Variants in ADAP1 observed in about 807,000 individuals in gnomAD.
ADAP1 encodes the protein ArfGAP with dual PH domains 1.
ADAP1 carries 31 observed loss-of-function variants against 54.9 expected under a neutral mutation model. That is an observed-to-expected ratio of 0.56 (90% confidence interval 0.42 to 0.76). ADAP1 has a LOEUF of 0.76. ADAP1 is among the 30% of genes least tolerant of loss of function. The pLI is 0.00. For missense variants in ADAP1, 535 were observed against 512.4 expected, an observed-to-expected ratio of 1.04 and a Z score of -0.42; for synonymous variants, 313 against 202.6, an observed-to-expected ratio of 1.55 and a Z score of -4.63.
rs1456311219 is a variant in ADAP1, at chr7:938,469, G to A, written c.83-2964C>T. ...AGTGTTGGGATTACAGATGTGTGACGCCGTGTCTGGCCTGCAAAGTATTTA... is the reference window on the plus strand; with the variant it reads ...AGTGTTGGGATTACAGATGTGTGACACCGTGTCTGGCCTGCAAAGTATTTA... On this transcript the variant is annotated intron_variant, in intron 1 of 10. Coordinates refer to ENST00000265846, the MANE Select transcript of ADAP1 (RefSeq NM_006869.4). The surrounding 1 kb of genome is among the most constrained non-coding windows in gnomAD (Gnocchi z 4.4). 1.3e-5 allele frequency among the ~76,000 whole-genome samples: 2 copies of A among 152,132 alleles called. No individual in the cohort carries two copies. Among genetic ancestry groups the A allele is most frequent in the South Asian group, 2.1e-4 (1 of 4,830 alleles).
chr7:905,213 G>A (rs746848742), intron 4 of ADAP1, 41 bp from the exon 5 acceptor site: 26 of 1,538,780 alleles, frequency 1.7e-5, no homozygotes, highest in Admixed American at 5.0e-5. Context: ...CAGTGGATGG[G>A]GGGGAGGAAA....
At chr7:927,892 T>A (rs1846440405) in intron 2 of ADAP1, among the ~76,000 whole-genome samples, 1 of 151,934 alleles carries the variant, frequency 6.6e-6, no homozygotes, top group Non-Finnish European at 1.5e-5. Flanking sequence ...TATATTTTTT[T>A]ACCTAGAAAT....
chr7:918,920 G>A (rs1846044642), intron 4 of ADAP1, among the ~76,000 whole-genome samples: 1 of 43,364 alleles, frequency 2.3e-5, no homozygotes, highest in Non-Finnish European at 4.0e-5. Flanking sequence ...CAGGAGTTGG[G>A]GACTGCTGGG....
intron 4 of ADAP1, among the ~76,000 whole-genome samples, chr7:906,686 ACGGGGGACATGGACATG>A (rs1845416640): frequency 3.0e-5 from 2 of 66,262 alleles, no homozygotes; most frequent in Admixed American, 1.6e-4. Flanking sequence ...GACAGGGGAC[ACGGGGGACATGGACATG>A]GGGGACGGGA....
At position 930,001 on chromosome 7, in the gene ADAP1, G is replaced by A. The variant is rs139441474; in HGVS notation, c.214-3357C>T. On this transcript the variant is annotated intron_variant, in intron 2 of 10. Coordinates refer to ENST00000265846, the MANE Select transcript of ADAP1 (RefSeq NM_006869.4). ...CGTCTGTAGTTCCATCTACTCAGGA[G>A]GCTGAGGTGAGAGGATCGTTTGAGC... 3.8e-3 allele frequency among the ~76,000 whole-genome samples: 577 copies of A among 151,310 alleles called. 3 individuals are homozygous for A. The highest frequency in any genetic ancestry group is 0.021 in the Middle Eastern group (6 of 290).
intron 2 of ADAP1, among the ~76,000 whole-genome samples, chr7:931,425 G>A (rs1318579511): frequency 6.6e-6 from 1 of 152,218 alleles, no homozygotes; most frequent in Non-Finnish European, 1.5e-5. Flanking sequence ...CACACAGGCT[G>A]CAGCGTGATG....
chr7:906,128 AGGAGAAAG>A (rs1845289434), intron 4 of ADAP1, among the ~76,000 whole-genome samples: 1 of 15,556 alleles, frequency 6.4e-5, no homozygotes, highest in Non-Finnish European at 1.1e-4. Context: ...AAAGGGAGAA[AGGAGAAAG>A]GGAGAAAGGA....
Position 945,601 on chromosome 7 carries a change from T to C in ADAP1, c.82+8795A>G, listed in dbSNP as rs1026627146. 2.0e-5 allele frequency among the ~76,000 whole-genome samples: 3 copies of C among 152,140 alleles called. No individual in the cohort carries two copies. The highest frequency in any genetic ancestry group is 1.3e-4 in the Admixed American group (2 of 15,282). ...GGCATGGCTGATGTGGTGGTGGAGA[T>C]GGAGGCCCTGAGTGCCAGGTAGGGA... is the stretch of plus-strand genomic sequence containing the variant. On this transcript the variant is annotated intron_variant, in intron 1 of 10. Transcript: ENST00000265846. This position sits in a 1 kb window ranked among gnomAD's most constrained non-coding sequence, Gnocchi z 4.2.
intron 4 of ADAP1, among the ~76,000 whole-genome samples, chr7:909,484 G>A (rs1394763485): frequency 1.3e-5 from 2 of 152,214 alleles, no homozygotes; most frequent in Non-Finnish European, 2.9e-5. Context: ...GACGACGCAG[G>A]AGTGTATTTC....
chr7:911,379 G>GCCAGGCTGC (rs1299075534), intron 4 of ADAP1, among the ~76,000 whole-genome samples: 3 of 152,206 alleles, frequency 2.0e-5, no homozygotes, highest in African/African-American at 7.2e-5. Flanking sequence ...CCCCATCCCC[G>GCCAGGCTGC]CCAGGCTGCC....
intron 1 of ADAP1, among the ~76,000 whole-genome samples, chr7:935,818 G>A (rs1377463305): frequency 2.6e-5 from 4 of 152,212 alleles, no homozygotes; most frequent in African/African-American, 7.2e-5. Flanking sequence ...CATGCCCCGG[G>A]CTGGAGGGCA....
At chr7:914,717 AC>A (rs1454948611) in intron 4 of ADAP1, among the ~76,000 whole-genome samples, 1 of 152,120 alleles carries the variant, frequency 6.6e-6, no homozygotes, top group African/African-American at 2.4e-5. Flanking sequence ...GAGCCCCTGA[AC>A]ACACAAGGAG....
rs971594412 is a variant in ADAP1, at chr7:904,217, G to A, written c.557C>T (p.Pro186Leu). ...KIEHLNATFQ[P>L]AKIGHPHGLQ... Reference sequence around the variant, plus strand: ...GCCGTGGGGGTGGCCGATCTTGGCCGGCTGGAAGGTGGCGTTCAGGTGCTC... The same window carrying A: ...GCCGTGGGGGTGGCCGATCTTGGCCAGCTGGAAGGTGGCGTTCAGGTGCTC... Residue 186 changes from proline (P) to leucine (L), a missense_variant, in exon 6 of 11, where the codon CCG (proline) becomes CTG (leucine). By Grantham distance (98) the Pro-to-Leu change is moderately conservative. Transcript: ENST00000265846. 8.7e-6 allele frequency: 14 copies of A among 1,610,614 alleles called. No homozygotes were observed. Among genetic ancestry groups the A allele is most frequent in the Non-Finnish European group, 1.2e-5 (14 of 1,178,948 alleles).
chr7:928,723 G>A (rs954259267), intron 2 of ADAP1, among the ~76,000 whole-genome samples: 1 of 152,362 alleles, frequency 6.6e-6, no homozygotes, highest in Admixed American at 6.5e-5. Flanking sequence ...TGGAGAGAAT[G>A]TGGAGTGATC....
At chr7:899,557 G>A (rs1844678490) in intron 8 of ADAP1, 67 bp from the exon 9 acceptor site, 1 of 1,542,572 alleles carries the variant, frequency 6.5e-7, no homozygotes, top group Non-Finnish European at 8.8e-7. Flanking sequence ...GCTGACCACA[G>A]CACACCCCGG....
At chr7:918,938 GTTGGGGACTGCTGGGGGGCA>G (rs1408660474) in intron 4 of ADAP1, among the ~76,000 whole-genome samples, 1 of 151,786 alleles carries the variant, frequency 6.6e-6, no homozygotes, top group African/African-American at 2.4e-5. Flanking sequence ...GGGGGGCAGA[GTTGGGGACTGCTGGGGGGCA>G]CAGCCAGAGG....
chr7:921,433 G>T (rs1562926778), intron 3 of ADAP1, among the ~76,000 whole-genome samples: 2 of 152,224 alleles, frequency 1.3e-5, no homozygotes, highest in Non-Finnish European at 2.9e-5. Context: ...GGATCCTCCT[G>T]CCTCGGCTTC....
chr7:932,719 G>A (rs183146847), intron 2 of ADAP1, among the ~76,000 whole-genome samples: 2 of 152,292 alleles, frequency 1.3e-5, no homozygotes, highest in East Asian at 1.9e-4. Context: ...GTCGAAGGGC[G>A]AAGGGACGGA....
In ADAP1 at chr7:898,849, GC is replaced by G. The variant is rs985261250; in HGVS notation, c.*71del. On this transcript the variant is annotated 3_prime_UTR_variant, in exon 11 of 11. Transcript: ENST00000265846. ...GGCCAGGTGGCCTCAGGACGCCAGAGCCCCCCCATCCACGGGTCCCCTCCGT... is the reference window on the plus strand; with the variant it reads ...GGCCAGGTGGCCTCAGGACGCCAGAGCCCCCCATCCACGGGTCCCCTCCGT... 1.7e-5 allele frequency: 27 copies of G among 1,546,716 alleles called. No homozygotes were observed. The highest frequency in any genetic ancestry group is 4.9e-5 in the East Asian group (2 of 41,050).
Sources: allele counts gnomAD v4.1 joint callset (sites outside exome capture counted in the v4.1 genomes callset), GRCh38; gene constraint gnomAD v4.1.1; non-coding constraint Gnocchi (gnomAD v3.1); transcripts MANE v1.5; gene names NCBI Gene and HGNC (gene_info 2026-07-23, HGNC 2026-07-21).